The following MRTFA variants were observed in gnomAD, a reference collection of about 807,000 sequenced individuals.
MRTFA encodes myocardin related transcription factor A.
Under a neutral mutation model 83.5 loss-of-function variants are expected in MRTFA, and 20 were observed. That is an observed-to-expected ratio of 0.24 (90% CI 0.17 to 0.35). MRTFA has a LOEUF of 0.35. Among genes scored for constraint, MRTFA ranks in the 10% least tolerant of loss-of-function variants. MRTFA has a pLI of 1.00. For synonymous variants in MRTFA, 659 were observed against 541.2 expected (o/e 1.22, Z -3.02); for missense variants, 1,200 against 1,224.7 (o/e 0.98, Z 0.30).
chr22:40,492,462 T>C (rs1326217937), intron 3 of MRTFA, among the ~76,000 whole-genome samples: 1 of 152,178 alleles, frequency 6.6e-6, no homozygotes, highest in Non-Finnish European at 1.5e-5. Context: ...TGTGTAGAGC[T>C]GGAAGAGGAG....
chr22:40,535,350 T>TTTC lies in MRTFA; in HGVS notation c.241+16755_241+16756insGAA, dbSNP rs1265412479. Among the ~76,000 whole-genome samples, 18 of 128,766 alleles carry TTTC rather than the reference T, an allele frequency of 1.4e-4. 1 individual carries two copies. Among genetic ancestry groups the TTTC allele is most frequent in the African/African-American group, 5.9e-4 (18 of 30,664 alleles). The allele number at this position is 128,766 out of a possible 152,430, so 84.5% of individuals were successfully genotyped here. A position where few individuals can be genotyped will look rare whatever the true frequency, so the allele number is the denominator to read the frequency against. Reference sequence around the variant, plus strand: ...ATTTGCTGTGTGAGAGGTTTTTTCTTTTTTTTTTTTTTTTTCTTTTTGAGA... The same window carrying TTTC: ...ATTTGCTGTGTGAGAGGTTTTTTCTTTTCTTTTTTTTTTTTTTTCTTTTTGAGA... On this transcript the variant is annotated intron_variant, in intron 3 of 14. Transcript: ENST00000355630.
chr22:40,524,278 AGAGT>A (rs1423475329), intron 3 of MRTFA, among the ~76,000 whole-genome samples: 6 of 152,218 alleles, frequency 3.9e-5, no homozygotes, highest in African/African-American at 1.4e-4. Context: ...CCTGGGCAGC[AGAGT>A]GAGACCCTGG....
intron 13 of MRTFA, 80 bp downstream of exon 13, chr22:40,417,261 C>G: frequency 6.5e-7 from 1 of 1,542,440 alleles, no homozygotes; most frequent in East Asian, 2.3e-5. Flanking sequence ...CCCTATTCCT[C>G]CGGGTGGGGC....
intron 7 of MRTFA, among the ~76,000 whole-genome samples, chr22:40,426,901 T>G (rs139075907): frequency 6.6e-6 from 1 of 152,328 alleles, no homozygotes; most frequent in East Asian, 1.9e-4. Flanking sequence ...CATCATCGTG[T>G]GTGATCCTGC....
intron 1 of MRTFA, among the ~76,000 whole-genome samples, chr22:40,618,204 A>G (rs1385503982): frequency 6.7e-6 from 1 of 150,192 alleles, no homozygotes; most frequent in Non-Finnish European, 1.5e-5. Flanking sequence ...CCTCCCGAGT[A>G]GCTGGGACTA....
chr22:40,510,015 T>G (rs1196804096), intron 3 of MRTFA, among the ~76,000 whole-genome samples: 1 of 143,644 alleles, frequency 7.0e-6, no homozygotes, highest in East Asian at 2.1e-4. Flanking sequence ...TAATACTGTT[T>G]GCTCTGCCAA....
intron 2 of MRTFA, among the ~76,000 whole-genome samples, chr22:40,576,549 A>G (rs1041707967): frequency 1.3e-5 from 2 of 152,182 alleles, no homozygotes; most frequent in African/African-American, 4.8e-5. Context: ...AAATCGTGGC[A>G]TAAGTCTGGA....
chr22:40,443,835 C>T (rs1474119650), intron 4 of MRTFA, among the ~76,000 whole-genome samples: 1 of 152,158 alleles, frequency 6.6e-6, no homozygotes, highest in Non-Finnish European at 1.5e-5. Context: ...ACACCCCTCC[C>T]TATCTGGCAT....
intron 1 of MRTFA, among the ~76,000 whole-genome samples, chr22:40,624,530 C>A (rs2147440773): frequency 6.6e-6 from 1 of 152,172 alleles, no homozygotes; most frequent in South Asian, 2.1e-4. Context: ...TGCATTCAAC[C>A]CCATCACTAC....
At chr22:40,413,464 T>C (rs1191977238) in intron 14 of MRTFA, among the ~76,000 whole-genome samples, 1 of 151,824 alleles carries the variant, frequency 6.6e-6, no homozygotes, top group Non-Finnish European at 1.5e-5. Flanking sequence ...CTCACCCTCC[T>C]GAGATTACAG....
At chr22:40,432,967 A>G (rs908216332) in intron 5 of MRTFA, among the ~76,000 whole-genome samples, 2 of 152,200 alleles carry the variant, frequency 1.3e-5, no homozygotes, top group African/African-American at 4.8e-5. Flanking sequence ...GAGGTAGAAT[A>G]TAGTACTGAT....
In MRTFA at chr22:40,613,703, A is replaced by AAT. The variant is rs570952193; in HGVS notation, c.-83-18969_-83-18968insAT. 2.7e-3 allele frequency among the ~76,000 whole-genome samples: 415 copies of AAT among 151,712 alleles called. 4 individuals carry two copies. The highest frequency in any genetic ancestry group is 9.6e-3 in the African/African-American group (397 of 41,352). ...AGACCCTGTCTCTAGAAAAAAAAAA[A>AAT]TTTTTCCAGCCTGGCTGACATGGTG... On this transcript the variant is annotated intron_variant, in intron 1 of 14. Transcript: ENST00000355630.
chr22:40,502,163 C>A (rs2054498281), intron 3 of MRTFA, among the ~76,000 whole-genome samples: 1 of 129,110 alleles, frequency 7.7e-6, no homozygotes, highest in African/African-American at 3.0e-5. Flanking sequence ...GGGGGCTGAC[C>A]CCCCCCACCT....
chr22:40,593,356 T>G (rs1377619948), intron 2 of MRTFA, among the ~76,000 whole-genome samples: 1 of 152,212 alleles, frequency 6.6e-6, no homozygotes, highest in Non-Finnish European at 1.5e-5. Flanking sequence ...TTGATATATT[T>G]CAGTAAAAGA....
chr22:40,531,835 A>C (rs1442075194), intron 3 of MRTFA, among the ~76,000 whole-genome samples: 1 of 152,246 alleles, frequency 6.6e-6, no homozygotes, highest in East Asian at 1.9e-4. Context: ...ACTTCAGAAC[A>C]AAACAGTAGC....
At chr22:40,508,474 T>G (rs1490591808) in intron 3 of MRTFA, among the ~76,000 whole-genome samples, 1 of 126,100 alleles carries the variant, frequency 7.9e-6, no homozygotes, top group African/African-American at 3.1e-5. Flanking sequence ...ATCATGCCAG[T>G]GCACTCCGGC....
At chr22:40,595,447 G>A (rs550737819) in intron 1 of MRTFA, among the ~76,000 whole-genome samples, 16 of 151,998 alleles carry the variant, frequency 1.1e-4, no homozygotes, top group Non-Finnish European at 2.1e-4. Context: ...ATAAACATAG[G>A]CAATCTCTAC....
At chr22:40,442,787 C>T (rs970305300) in intron 4 of MRTFA, among the ~76,000 whole-genome samples, 3 of 152,002 alleles carry the variant, frequency 2.0e-5, no homozygotes, top group African/African-American at 4.8e-5. Flanking sequence ...CAAAGCCAGA[C>T]AAGGAAGAGT....
intron 2 of MRTFA, chr22:40,569,657 G>T (rs544126766): frequency 1.3e-5 from 2 of 152,566 alleles, no homozygotes; most frequent in African/African-American, 4.8e-5. Flanking sequence ...GGAGTTTGCC[G>T]TAAGCCGAGA....
Sources: gnomAD v4.1 joint callset for allele counts (sites outside exome capture counted in the v4.1 genomes callset) on GRCh38, gnomAD v4.1.1 for gene constraint, MANE v1.5 for transcripts, NCBI Gene and HGNC (gene_info 2026-07-23, HGNC 2026-07-21) for gene names.